The following NBEA variants were observed in gnomAD, a reference collection of about 807,000 sequenced individuals.
NBEA encodes neurobeachin.
A neutral mutation model predicts 343.4 loss-of-function variants in NBEA; 44 were observed. That is an observed-to-expected ratio of 0.13 (90% CI 0.10 to 0.16). The LOEUF (loss-of-function observed/expected upper bound fraction) is 0.16. Ranked by LOEUF, NBEA falls within the 10% of genes least tolerant of loss-of-function variation. The probability of loss-of-function intolerance (pLI) is 1.00; values close to 1 mark genes in which losing one functional copy is unlikely to be tolerated. For synonymous variants in NBEA, 1,175 were observed against 1,238.7 expected (o/e 0.95, Z 1.08); for missense variants, 2,555 against 3,631.3 (o/e 0.70, Z 7.62).
At chr13:35,433,694 A>G (rs1325822766) in intron 39 of NBEA, among the ~76,000 whole-genome samples, 1 of 152,046 alleles carries the variant, frequency 6.6e-6, no homozygotes, top group East Asian at 1.9e-4. Flanking sequence ...TGGAAAAAAT[A>G]TGCTGGAAAA....
chr13:35,588,096 C>T (rs1462289260), intron 46 of NBEA, among the ~76,000 whole-genome samples: 1 of 151,924 alleles, frequency 6.6e-6, no homozygotes, highest in Non-Finnish European at 1.5e-5. Context: ...AGGGAGGGTA[C>T]TGAGTCTTTG....
intron 48 of NBEA, among the ~76,000 whole-genome samples, chr13:35,617,476 G>T (rs181394197): frequency 6.6e-6 from 1 of 152,250 alleles, no homozygotes; most frequent in East Asian, 1.9e-4. Context: ...GAATAGAAAG[G>T]GAAAGCTACC....
At chr13:35,425,941 T>G (rs1481559435) in intron 38 of NBEA, among the ~76,000 whole-genome samples, 4 of 152,180 alleles carry the variant, frequency 2.6e-5, no homozygotes, top group Non-Finnish European at 5.9e-5. Context: ...TGGTTTAAAG[T>G]CTGTTTTATC....
At chr13:34,990,972 G>T in intron 1 of NBEA, among the ~76,000 whole-genome samples, 1 of 152,160 alleles carries the variant, frequency 6.6e-6, no homozygotes. Flanking sequence ...GGTGCAGAAT[G>T]CCTTCAGCCT....
intron 38 of NBEA, among the ~76,000 whole-genome samples, chr13:35,428,422 G>T (rs183785310): frequency 1.4e-4 from 22 of 152,208 alleles, no homozygotes; most frequent in African/African-American, 5.1e-4. Context: ...ATTTCCTTCT[G>T]TTATTCAGTT....
chr13:35,028,256 AGGAGAG>A (rs2062082176), intron 1 of NBEA, among the ~76,000 whole-genome samples: 1 of 151,912 alleles, frequency 6.6e-6, no homozygotes, highest in Non-Finnish European at 1.5e-5. Flanking sequence ...TGTTAATTTG[AGGAGAG>A]TTGATATCTT....
At chr13:35,482,186 T>C (rs1473122519) in intron 41 of NBEA, among the ~76,000 whole-genome samples, 1 of 151,694 alleles carries the variant, frequency 6.6e-6, no homozygotes, top group African/African-American at 2.4e-5. Context: ...GATTAGTAAC[T>C]GGAGTAATAA....
At chr13:35,498,709 A>T (rs928541048) in intron 41 of NBEA, among the ~76,000 whole-genome samples, 2 of 152,122 alleles carry the variant, frequency 1.3e-5, no homozygotes, top group Non-Finnish European at 2.9e-5. Context: ...ATTTAAAAAT[A>T]ATAAAATCAT....
At chr13:35,140,825 G>A (rs1424368104) in intron 17 of NBEA, among the ~76,000 whole-genome samples, 2 of 152,128 alleles carry the variant, frequency 1.3e-5, no homozygotes, top group African/African-American at 4.8e-5. Flanking sequence ...TCACTTACCA[G>A]GCTAGTAGTT....
intron 8 of NBEA, among the ~76,000 whole-genome samples, chr13:35,060,833 T>G (rs952709677): frequency 2.0e-5 from 3 of 151,664 alleles, no homozygotes; most frequent in Admixed American, 6.6e-5. Flanking sequence ...CTTGGTAAAG[T>G]CACTTTCTGT....
At chr13:35,181,314 C>T (rs559114387) in intron 28 of NBEA, among the ~76,000 whole-genome samples, 1 of 151,436 alleles carries the variant, frequency 6.6e-6, no homozygotes, top group Non-Finnish European at 1.5e-5. Flanking sequence ...CCTTTTCACC[C>T]CATCTGTGCT....
chr13:35,371,375 C>T (rs897478350), intron 38 of NBEA, among the ~76,000 whole-genome samples: 4 of 151,626 alleles, frequency 2.6e-5, no homozygotes, highest in African/African-American at 9.7e-5. Context: ...GAAATTCTTT[C>T]TTCTGCTTGA....
chr13:35,639,749 T>C (rs2083853438), intron 49 of NBEA, among the ~76,000 whole-genome samples: 1 of 152,144 alleles, frequency 6.6e-6, no homozygotes. Flanking sequence ...GGACGTAGTT[T>C]GATATTTTGC....
chr13:35,298,448 A>G (rs2036306679), intron 35 of NBEA, among the ~76,000 whole-genome samples: 1 of 151,500 alleles, frequency 6.6e-6, no homozygotes, highest in African/African-American at 2.4e-5. Flanking sequence ...TTGCTGCATG[A>G]TCATTTGTGA....
intron 47 of NBEA, among the ~76,000 whole-genome samples, chr13:35,594,960 C>G (rs1377168243): frequency 6.7e-6 from 1 of 149,888 alleles, no homozygotes; most frequent in Non-Finnish European, 1.5e-5. Flanking sequence ...CACACACACA[C>G]ACACACACAC....
chr13:35,095,217 C>G (rs1447680262), intron 10 of NBEA, among the ~76,000 whole-genome samples: 5 of 151,010 alleles, frequency 3.3e-5, no homozygotes, highest in African/African-American at 1.2e-4. Context: ...CATGAGTTAT[C>G]TACATTAGTT....
chr13:35,256,731 G>A (rs959134524), intron 34 of NBEA, among the ~76,000 whole-genome samples: 1 of 152,182 alleles, frequency 6.6e-6, no homozygotes, highest in African/African-American at 2.4e-5. Context: ...ACCCAAGCAT[G>A]TGCACGCCCA....
intron 38 of NBEA, among the ~76,000 whole-genome samples, chr13:35,417,106 A>G (rs2043959822): frequency 6.6e-6 from 1 of 151,672 alleles, no homozygotes; most frequent in African/African-American, 2.4e-5. Flanking sequence ...TTTTTATTGC[A>G]TCTATTTGAT....
intron 17 of NBEA, among the ~76,000 whole-genome samples, chr13:35,129,823 A>C (rs2067318337): frequency 6.6e-6 from 1 of 152,274 alleles, no homozygotes; most frequent in African/African-American, 2.4e-5. Flanking sequence ...GTGAAACTCC[A>C]GAACCCAACA....
Sources: allele counts gnomAD v4.1 joint callset (sites outside exome capture counted in the v4.1 genomes callset), GRCh38; gene constraint gnomAD v4.1.1; transcripts MANE v1.5; gene names NCBI Gene and HGNC (gene_info 2026-07-23, HGNC 2026-07-21).